The following TRPC4 variants were observed in gnomAD, a reference collection of about 807,000 sequenced individuals.
TRPC4 encodes the protein short transient receptor potential channel 4.
Under a neutral mutation model 99.4 loss-of-function variants are expected in TRPC4, and 49 were observed. The ratio of observed to expected loss-of-function variants is 0.49; its 90% CI spans 0.39 to 0.63. The LOEUF (loss-of-function observed/expected upper bound fraction) is 0.63, where lower values mean the gene tolerates loss of function less well. TRPC4 is among the 20% of genes least tolerant of loss of function. The probability of loss-of-function intolerance (pLI) is 0.00; values close to 1 mark genes in which losing one functional copy is unlikely to be tolerated. For missense variants in TRPC4, 898 were observed against 1,152.9 expected (o/e 0.78, Z 3.20); for synonymous variants, 454 against 425.9 (o/e 1.07, Z -0.81).
intron 1 of TRPC4, among the ~76,000 whole-genome samples, chr13:37,851,054 A>C (rs1959040008): frequency 6.6e-6 from 1 of 152,250 alleles, no homozygotes; most frequent in African/African-American, 2.4e-5. Context: ...ACAAATGAGA[A>C]GATAAAATTT....
chr13:37,769,787 C>G (rs951433300), intron 2 of TRPC4, among the ~76,000 whole-genome samples: 1 of 151,502 alleles, frequency 6.6e-6, no homozygotes, highest in Non-Finnish European at 1.5e-5. Flanking sequence ...TCCTAACAAC[C>G]TGAAAGCATG....
intron 3 of TRPC4, among the ~76,000 whole-genome samples, chr13:37,728,716 G>A (rs1463044086): frequency 6.6e-6 from 1 of 151,998 alleles, no homozygotes; most frequent in Non-Finnish European, 1.5e-5. Context: ...GGGACCCTGA[G>A]AGCCAAAATA....
Position 37,674,262 on chromosome 13 carries a change from GCTAAATATA to G in TRPC4, c.1331_1339del (p.Leu444_Ala447delinsSer). The stretch of plus-strand genomic sequence containing the variant: ...TGCAACAATTTTCAAGGAGATTGTT[GCTAAATATA>G]AGGAGTTCATTACAAAGTCCATTAG... On this transcript the variant is annotated inframe_deletion, in exon 5 of 11. Transcript: ENST00000379705. 1.3e-6 allele frequency: 2 copies of G among 1,593,662 alleles called. No homozygotes were observed. The highest frequency in any genetic ancestry group is 8.5e-7 in the Non-Finnish European group (1 of 1,172,682).
chr13:37,781,349 T>C (rs1956835247), intron 2 of TRPC4, among the ~76,000 whole-genome samples: 1 of 151,904 alleles, frequency 6.6e-6, no homozygotes, highest in Non-Finnish European at 1.5e-5. Context: ...AATAAGAGAG[T>C]GTACAATATA....
intron 3 of TRPC4, among the ~76,000 whole-genome samples, chr13:37,734,293 C>G (rs752527124): frequency 2.0e-5 from 3 of 152,170 alleles, no homozygotes; most frequent in Non-Finnish European, 4.4e-5. Flanking sequence ...TTGGAAATCT[C>G]ATTTTATTAT....
intron 2 of TRPC4, among the ~76,000 whole-genome samples, chr13:37,774,565 T>C (rs1035994349): frequency 3.3e-5 from 5 of 151,864 alleles, no homozygotes; most frequent in East Asian, 2.0e-4. Flanking sequence ...TAAACTTGTG[T>C]CATGGGAGTT....
At chr13:37,666,606 G>A (rs1001316781) in intron 5 of TRPC4, among the ~76,000 whole-genome samples, 4 of 152,042 alleles carry the variant, frequency 2.6e-5, no homozygotes, top group Admixed American at 1.3e-4. Flanking sequence ...AATTTGTAGC[G>A]AATAATTTTA....
At chr13:37,699,098 T>C (rs1054074089) in intron 3 of TRPC4, among the ~76,000 whole-genome samples, 2 of 152,130 alleles carry the variant, frequency 1.3e-5, no homozygotes, top group African/African-American at 4.8e-5. Context: ...GTGTGAGTAT[T>C]AATAAATTAT....
rs1951420300 is a variant in TRPC4 at position 37,632,620 on chromosome 13, C to T, written c.*4283G>A. Among the ~76,000 whole-genome samples, 1 of 152,174 alleles carries T rather than the reference C, an allele frequency of 6.6e-6. No individual in the cohort carries two copies. The highest frequency in any genetic ancestry group is 2.1e-4 in the South Asian group (1 of 4,836). ...GTGTGACTGTATCCAGGCTTGGTCC[C>T]ATTGTCCCAATCTTAGTTCAACTGT... On this transcript the variant is annotated 3_prime_UTR_variant, in exon 11 of 11. Transcript: ENST00000379705.
At chr13:37,699,525 G>A (rs959358271) in intron 3 of TRPC4, among the ~76,000 whole-genome samples, 4 of 152,158 alleles carry the variant, frequency 2.6e-5, no homozygotes, top group African/African-American at 9.7e-5. Context: ...AATCAATAGA[G>A]ATTTAATCAA....
intron 2 of TRPC4, among the ~76,000 whole-genome samples, chr13:37,759,203 C>T (rs1218215541): frequency 6.6e-6 from 1 of 151,650 alleles, no homozygotes; most frequent in African/African-American, 2.4e-5. Flanking sequence ...TACTAACTGG[C>T]ACTAAAACAA....
At chr13:37,751,964 A>C (rs1175942747) in intron 2 of TRPC4, among the ~76,000 whole-genome samples, 1 of 150,630 alleles carries the variant, frequency 6.6e-6, no homozygotes, top group Non-Finnish European at 1.5e-5. Flanking sequence ...TTTAATCTGA[A>C]ACTTTCAGTT....
intron 3 of TRPC4, among the ~76,000 whole-genome samples, chr13:37,730,328 T>C (rs1465755006): frequency 6.6e-6 from 1 of 152,034 alleles, no homozygotes; most frequent in African/African-American, 2.4e-5. Flanking sequence ...TATCACATAA[T>C]AATACTTTTT....
intron 2 of TRPC4, among the ~76,000 whole-genome samples, chr13:37,753,596 A>AGAGAGAGAGAGAGAGAGAGAGAGG (rs1477439372): frequency 3.5e-5 from 5 of 140,938 alleles, no homozygotes; most frequent in African/African-American, 1.2e-4. Context: ...AGAGAGAGAG[A>AGAGAGAGAGAGAGAGAGAGAGAGG]GAGAGAGAGA....
intron 3 of TRPC4, among the ~76,000 whole-genome samples, chr13:37,696,591 A>C (rs892547477): frequency 6.6e-6 from 1 of 152,208 alleles, no homozygotes; most frequent in African/African-American, 2.4e-5. Flanking sequence ...TGACTGCGTC[A>C]GAGAGTCACA....
chr13:37,816,989 C>G (rs1329456110), intron 1 of TRPC4, among the ~76,000 whole-genome samples: 1 of 152,016 alleles, frequency 6.6e-6, no homozygotes, highest in Admixed American at 6.6e-5. Context: ...TCTCACCACT[C>G]TTATTCAACA....
chr13:37,735,002 C>T lies in TRPC4; in HGVS notation c.897+10935G>A, dbSNP rs551633242. 1.6e-4 allele frequency among the ~76,000 whole-genome samples: 25 copies of T among 152,178 alleles called. No homozygotes were observed. In the South Asian group the frequency reaches 3.7e-3, roughly 23 times the overall value. ...AACAAAAACCACAGAGCTATGTGAT[C>T]GCTTTCCCTGTTCTATGCCACCTAG... On this transcript the variant is annotated intron_variant, in intron 3 of 10. Transcript: ENST00000379705.
At chr13:37,744,256 A>G (rs1955676415) in intron 3 of TRPC4, among the ~76,000 whole-genome samples, 1 of 152,218 alleles carries the variant, frequency 6.6e-6, no homozygotes, top group African/African-American at 2.4e-5. Context: ...ATATCTTTCA[A>G]GTCTAAAGCC....
Position 37,761,281 on chromosome 13 carries a change from C to A in TRPC4, c.379-14826G>T, listed in dbSNP as rs138412805. Among the ~76,000 whole-genome samples, 415 of 151,928 alleles carry A rather than the reference C, an allele frequency of 2.7e-3. 1 individual carries two copies. Among genetic ancestry groups the A allele is most frequent in the Middle Eastern group, 0.024 (7 of 294 alleles). ...TGTTTACATGTACTATTATTATTAC[C>A]CTTTTTATACAAAAGAGAATGACAG... On this transcript the variant is annotated intron_variant, in intron 2 of 10. Transcript: ENST00000379705.
Sources: allele counts gnomAD v4.1 joint callset (sites outside exome capture counted in the v4.1 genomes callset), GRCh38; gene constraint gnomAD v4.1.1; transcripts MANE v1.5; gene names NCBI Gene and HGNC (gene_info 2026-07-23, HGNC 2026-07-21).